BRI3: variants seen among roughly 807,000 people sequenced by gnomAD.
BRI3 encodes membrane protein BRI3.
In BRI3, 6 loss-of-function variants were observed where a neutral mutation model predicts 12.8. That is an observed-to-expected ratio of 0.47 (90% CI 0.26 to 0.93). The LOEUF (loss-of-function observed/expected upper bound fraction) is 0.93, where lower values mean the gene tolerates loss of function less well. Ranked by LOEUF, BRI3 falls within the 40% of genes least tolerant of loss-of-function variation. The pLI is 0.15. For synonymous variants in BRI3, 91 were observed against 76.1 expected (o/e 1.20, Z -1.02); for missense variants, 134 against 171.1 (o/e 0.78, Z 1.21).
downstream of BRI3, chr7:98,293,401 G>A (rs558874733): frequency 5.7e-5 from 51 of 890,360 alleles, 1 homozygote; most frequent in African/African-American, 5.2e-4. Context: ...TTAAGCAGGC[G>A]ACATTAGAGT....
chr7:98,322,272 ATCTGAG>A, the BRI3 span, among the ~76,000 whole-genome samples: 2 of 152,126 alleles, frequency 1.3e-5, no homozygotes, highest in East Asian at 3.8e-4. Flanking sequence ...ATCTGAAGAC[ATCTGAG>A]TCTGACACTG....
chr7:98,319,612 T>C, the BRI3 span, among the ~76,000 whole-genome samples: 1 of 148,946 alleles, frequency 6.7e-6, no homozygotes, highest in Admixed American at 6.9e-5. Context: ...AGTGGCGCAA[T>C]CTTGGCTCAC....
downstream of BRI3, chr7:98,315,344 C>T (rs1801032775): frequency 9.6e-7 from 1 of 1,045,168 alleles, no homozygotes; most frequent in African/African-American, 1.6e-5. Context: ...CCCAGGCCCA[C>T]CTCAGCCTCC....
chr7:98,315,977 C>T, the BRI3 span, among the ~76,000 whole-genome samples: 1 of 152,180 alleles, frequency 6.6e-6, no homozygotes, highest in African/African-American at 2.4e-5. Flanking sequence ...AGGTGATATG[C>T]TTTGGCTGTG....
the BRI3 span, among the ~76,000 whole-genome samples, chr7:98,319,703 TGCTCA>T: frequency 6.6e-6 from 1 of 152,038 alleles, no homozygotes; most frequent in Non-Finnish European, 1.5e-5. Context: ...TGCACCACCA[TGCTCA>T]GCTAATTTTT....
At chr7:98,292,782 G>A (rs1800023550), downstream of BRI3, 2 of 1,546,528 alleles carry the variant, frequency 1.3e-6, no homozygotes, top group African/African-American at 1.4e-5. Flanking sequence ...AACACAAGGA[G>A]CCGTGACTCC....
chr7:98,299,452 C>T (rs1800331639), intron 1 of BRI3, among the ~76,000 whole-genome samples: 1 of 152,202 alleles, frequency 6.6e-6, no homozygotes, highest in Admixed American at 6.5e-5. Context: ...GCCACCGTGC[C>T]CGGCAGGCTG....
At chr7:98,303,468 C>T (rs144751853), upstream of BRI3, among the ~76,000 whole-genome samples, 4 of 152,322 alleles carry the variant, frequency 2.6e-5, no homozygotes, top group East Asian at 1.9e-4. Context: ...CTCCCCACCA[C>T]GCCATCACCT....
downstream of BRI3, chr7:98,312,119 G>T: frequency 2.5e-6 from 4 of 1,609,978 alleles, no homozygotes; most frequent in East Asian, 8.9e-5. Flanking sequence ...CTCGATCATG[G>T]GTGAAGCCTG....
chr7:98,292,934 C>A, downstream of BRI3: 1 of 1,313,748 alleles, frequency 7.6e-7, no homozygotes, highest in Non-Finnish European at 9.7e-7. Context: ...CGTCTTAGCA[C>A]TCTACAGCTC....
upstream of BRI3, among the ~76,000 whole-genome samples, chr7:98,305,670 G>A (rs936832793): frequency 6.6e-6 from 1 of 152,092 alleles, no homozygotes; most frequent in Non-Finnish European, 1.5e-5. Context: ...TAATCCTCCT[G>A]CCTCCATCTC....
chr7:98,282,228 C>G, intron 1 of BRI3, 123 bp from the exon 2 acceptor site: 5 of 935,538 alleles, frequency 5.3e-6, no homozygotes, highest in South Asian at 1.6e-5. Context: ...GTGGCCGTCC[C>G]GAGGGTGGAA....
upstream of BRI3, chr7:98,304,336 C>T (rs138915707): frequency 5.6e-5 from 90 of 1,613,646 alleles, no homozygotes; most frequent in Non-Finnish European, 7.5e-5. Context: ...CTGCTATTCT[C>T]AGACAAGTTC....
chr7:98,306,127 T>C (rs989777610), upstream of BRI3, among the ~76,000 whole-genome samples: 1 of 151,916 alleles, frequency 6.6e-6, no homozygotes, highest in Admixed American at 6.6e-5. Flanking sequence ...GTAAGATAAG[T>C]GTAAGATAAG....
downstream of BRI3, chr7:98,292,980 CTCT>C: frequency 1.7e-6 from 2 of 1,187,200 alleles, no homozygotes; most frequent in Non-Finnish European, 1.0e-6. Context: ...GTTTCTCCAT[CTCT>C]GGAAGCTCTA....
chr7:98,315,624 AAAATAAT>A, the BRI3 span: 15 of 1,171,916 alleles, frequency 1.3e-5, no homozygotes, highest in East Asian at 2.8e-4. Context: ...TAAAAAAAAA[AAAATAAT>A]AATAATAATA....
chr7:98,298,170 C>T (rs1333006272), intron 1 of BRI3, among the ~76,000 whole-genome samples: 5 of 152,232 alleles, frequency 3.3e-5, no homozygotes, highest in Admixed American at 2.6e-4. Flanking sequence ...GCTCTCAGAT[C>T]GTCTAATAAG....
At chr7:98,307,554 A>T in exon 2 of BRI3, 1 of 1,469,134 alleles carries the variant, frequency 6.8e-7, no homozygotes, top group Non-Finnish European at 9.0e-7. Flanking sequence ...ACTTCAGTTA[A>T]CTAAACTAGA....
intron 1 of BRI3, among the ~76,000 whole-genome samples, chr7:98,298,881 A>T (rs1328829366): frequency 6.6e-6 from 1 of 151,974 alleles, no homozygotes; most frequent in African/African-American, 2.4e-5. Context: ...TTGCTCTGTC[A>T]CCCAGGCTGC....
Sources: allele counts gnomAD v4.1 joint callset (sites outside exome capture counted in the v4.1 genomes callset), GRCh38; gene constraint gnomAD v4.1.1; transcripts MANE v1.5; gene names NCBI Gene and HGNC (gene_info 2026-07-23, HGNC 2026-07-21).